SYBU: variants seen among roughly 807,000 people sequenced by gnomAD.
SYBU encodes the protein syntabulin.
In SYBU, 21 loss-of-function variants were observed where a neutral mutation model predicts 35.9. That is an observed-to-expected ratio of 0.58 (90% CI 0.41 to 0.84). The LOEUF is 0.84. Among genes scored for constraint, SYBU ranks in the 40% least tolerant of loss-of-function variants. SYBU has a pLI of 0.00. For synonymous variants in SYBU, 319 were observed against 324.3 expected (o/e 0.98, Z 0.18); for missense variants, 768 against 848.2 (o/e 0.91, Z 1.17).
intron 3 of SYBU, among the ~76,000 whole-genome samples, chr8:109,607,718 A>G (rs1826204214): frequency 6.6e-6 from 1 of 152,004 alleles, no homozygotes; most frequent in South Asian, 2.1e-4. Context: ...ATATTTTTAA[A>G]AGTTTAGTTA....
Position 109,574,878 on chromosome 8 carries a change from A to T in SYBU, c.*28T>A. On this transcript the variant is annotated 3_prime_UTR_variant, in exon 7 of 7. Transcript: ENST00000276646. ...ACCTGGCACAACCCACATGGGACAC[A>T]TTGGCACACGGTAACAACAACTTCT... 3 of 1,510,718 alleles carry T rather than the reference A, an allele frequency of 2.0e-6. No homozygotes were observed. The highest frequency in any genetic ancestry group is 2.7e-6 in the Non-Finnish European group (3 of 1,129,566). The allele number at this position is 1,510,718 out of a possible 1,614,324, so 93.6% of individuals were successfully genotyped here. A position where few individuals can be genotyped will look rare whatever the true frequency, so the allele number is the denominator to read the frequency against.
intron 3 of SYBU, among the ~76,000 whole-genome samples, chr8:109,608,343 G>A (rs1477446306): frequency 2.0e-5 from 3 of 152,166 alleles, no homozygotes; most frequent in East Asian, 3.8e-4. Context: ...ATATCCCAAT[G>A]GGCAAGCAAG....
chr8:109,617,552 A>T (rs1471964508), intron 3 of SYBU, among the ~76,000 whole-genome samples: 1 of 152,160 alleles, frequency 6.6e-6, no homozygotes, highest in Non-Finnish European at 1.5e-5. Context: ...ACACAAGGTA[A>T]TTGTTTTATT....
intron 2 of SYBU, among the ~76,000 whole-genome samples, chr8:109,623,364 T>C (rs1812647521): frequency 6.6e-6 from 1 of 152,206 alleles, no homozygotes; most frequent in Non-Finnish European, 1.5e-5. Flanking sequence ...TTTGTTGTTG[T>C]TCTTGTTCAT....
At chr8:109,686,984 T>A (rs1216755240) in intron 1 of SYBU, among the ~76,000 whole-genome samples, 3 of 152,168 alleles carry the variant, frequency 2.0e-5, no homozygotes, top group African/African-American at 4.8e-5. Flanking sequence ...ATTTAAAAGC[T>A]GAATTAAATA....
intron 1 of SYBU, among the ~76,000 whole-genome samples, chr8:109,661,651 C>T (rs932849340): frequency 3.3e-5 from 5 of 152,236 alleles, no homozygotes; most frequent in Admixed American, 2.0e-4. Flanking sequence ...TATGGAGCTG[C>T]CTCTTTACCC....
intron 1 of SYBU, among the ~76,000 whole-genome samples, chr8:109,677,113 G>A (rs1282216665): frequency 6.6e-6 from 1 of 152,000 alleles, no homozygotes; most frequent in African/African-American, 2.4e-5. Flanking sequence ...TTGGATAGAG[G>A]CGAGTGTTAT....
chr8:109,628,728 G>A (rs1276340864), intron 2 of SYBU, among the ~76,000 whole-genome samples: 1 of 151,988 alleles, frequency 6.6e-6, no homozygotes, highest in East Asian at 1.9e-4. Flanking sequence ...AGCCTGAAGT[G>A]GGAGGATTGC....
intron 1 of SYBU, 108 bp from the exon 2 acceptor site, chr8:109,643,040 T>C (rs1586924759): frequency 1.4e-6 from 2 of 1,446,022 alleles, no homozygotes; most frequent in East Asian, 2.5e-5. Flanking sequence ...TTTCTGAGTA[T>C]TGAGTCTTCA....
chr8:109,607,540 T>TA (rs1826189589), intron 3 of SYBU, among the ~76,000 whole-genome samples: 1 of 152,162 alleles, frequency 6.6e-6, no homozygotes, highest in African/African-American at 2.4e-5. Context: ...ACACCACTGG[T>TA]AAGGCCAGGC....
chr8:109,589,934 C>G (rs894343779), intron 3 of SYBU, among the ~76,000 whole-genome samples: 3 of 152,084 alleles, frequency 2.0e-5, no homozygotes, highest in Non-Finnish European at 4.4e-5. Flanking sequence ...CAAGCCCTCT[C>G]TTATCTTTTA....
chr8:109,659,687 T>C (rs570515246), intron 1 of SYBU, among the ~76,000 whole-genome samples: 1 of 152,302 alleles, frequency 6.6e-6, no homozygotes, highest in East Asian at 1.9e-4. Context: ...GTTGTTCCCT[T>C]CTACTACTGT....
At chr8:109,663,284 G>A (rs1816636827) in intron 1 of SYBU, among the ~76,000 whole-genome samples, 1 of 151,946 alleles carries the variant, frequency 6.6e-6, no homozygotes, top group South Asian at 2.1e-4. Flanking sequence ...TAGATAGATA[G>A]ATAGATAGAT....
chr8:109,619,230 CTT>C (rs142578497), intron 2 of SYBU, among the ~76,000 whole-genome samples, 191 bp from the exon 3 acceptor site: 2 of 145,054 alleles, frequency 1.4e-5, no homozygotes, highest in African/African-American at 2.5e-5. Context: ...AATGCAAAAC[CTT>C]TTTTTTTTTT....
At chr8:109,578,110 T>C (rs1822568887) in intron 5 of SYBU, 93 bp from the exon 6 acceptor site, 2 of 1,362,368 alleles carry the variant, frequency 1.5e-6, no homozygotes, top group African/African-American at 2.9e-5. Flanking sequence ...TGAATGTCTG[T>C]GTCCCTCCAG....
Position 109,644,767 on chromosome 8 carries a change from G to T in SYBU, c.-108C>A. The T allele has an allele frequency of 8.7e-7, 1 of 1,145,846 alleles. No homozygotes were observed. The highest frequency in any genetic ancestry group is 2.3e-5 in the South Asian group (1 of 44,282). The allele number at this position is 1,145,846 out of a possible 1,614,324, so 71.0% of individuals were successfully genotyped here. The stretch of plus-strand genomic sequence containing the variant: ...CGCTGAGCCGGCGCGGGCTGCGGGC[G>T]GCGGCTCTTGGTGAGGCTCCAACGC... On this transcript the variant is annotated 5_prime_UTR_variant, in exon 1 of 7. Coordinates refer to ENST00000276646, the MANE Select transcript of SYBU (RefSeq NM_001099754.2).
chr8:109,597,027 G>T (rs1293073861), intron 3 of SYBU, among the ~76,000 whole-genome samples: 1 of 152,104 alleles, frequency 6.6e-6, no homozygotes, highest in African/African-American at 2.4e-5. Context: ...TCCAATTTTA[G>T]GGTCCAATAT....
intron 1 of SYBU, among the ~76,000 whole-genome samples, chr8:109,664,178 C>G (rs559094636): frequency 6.6e-6 from 1 of 152,030 alleles, no homozygotes. Context: ...AAAAGAAGTA[C>G]GTACTGATTA....
intron 3 of SYBU, among the ~76,000 whole-genome samples, chr8:109,588,263 C>T (rs956458832): frequency 5.9e-5 from 9 of 152,150 alleles, no homozygotes; most frequent in African/African-American, 1.7e-4. Context: ...CAGATAATTG[C>T]GGAAAATCCA....
Sources: allele counts gnomAD v4.1 joint callset (sites outside exome capture counted in the v4.1 genomes callset), GRCh38; gene constraint gnomAD v4.1.1; transcripts MANE v1.5; gene names NCBI Gene and HGNC (gene_info 2026-07-23, HGNC 2026-07-21).